The following CEP55 variants were observed in gnomAD, a reference collection of about 807,000 sequenced individuals.
The protein encoded by CEP55 is centrosomal protein of 55 kDa.
Under a neutral mutation model 63.2 loss-of-function variants are expected in CEP55, and 57 were observed. The ratio of observed to expected loss-of-function variants is 0.90; its 90% CI spans 0.73 to 1.13. CEP55 has a LOEUF of 1.13. Ranked by LOEUF, CEP55 falls within the 50% of genes most tolerant of loss-of-function variation. The pLI is 0.00. For missense variants in CEP55, 456 were observed against 518.9 expected, an observed-to-expected ratio of 0.88 and a Z score of 1.18; for synonymous variants, 178 against 191.6, an observed-to-expected ratio of 0.93 and a Z score of 0.59.
At chr10:93,518,839 T>C (rs2280604) in intron 6 of CEP55, 38 bp from the exon 7 acceptor site, 48,329 of 1,470,896 alleles carry the variant, frequency 0.033, 1,243 homozygotes, top group East Asian at 0.15. Context: ...CCGGAAAAGG[T>C]TGGATGTGAC....
At chr10:93,503,506 T>C (rs1479618576) in intron 3 of CEP55, 118 bp downstream of exon 3, 1 of 985,450 alleles carries the variant, frequency 1.0e-6, no homozygotes, top group Non-Finnish European at 1.5e-6. Flanking sequence ...ATGATTAGTA[T>C]AGTATACTAT....
Position 93,528,169 on chromosome 10 carries a change from T to C in CEP55, c.*16T>C, listed in dbSNP as rs2057944328. ...TTCAAAGTAGCAAAATAAGTATTTGTTTTGATATTAAAAGATTCAATACTG... is the reference window on the plus strand; with the variant it reads ...TTCAAAGTAGCAAAATAAGTATTTGCTTTGATATTAAAAGATTCAATACTG... On this transcript the variant is annotated 3_prime_UTR_variant, in exon 9 of 9. Transcript: ENST00000371485. 2 of 1,600,160 alleles carry C rather than the reference T, an allele frequency of 1.2e-6. No homozygotes were observed. The highest frequency in any genetic ancestry group is 4.5e-5 in the East Asian group (2 of 44,806).
Position 93,500,055 on chromosome 10 carries a change from T to G in CEP55, c.4T>G (p.Ser2Ala), listed in dbSNP as rs749637981. 6 of 1,598,316 alleles carry G rather than the reference T, an allele frequency of 3.8e-6. No homozygotes were observed. The South Asian group carries it at 5.6e-5, about 15-fold the overall frequency. Residue 2 changes from serine to alanine, a missense_variant, in exon 2 of 9, where the codon TCT becomes GCT. Coordinates refer to ENST00000371485, the MANE Select transcript of CEP55 (RefSeq NM_018131.5). ...ATTTTTACAGACCATTTCAGAGATG[T>G]CTTCCAGAAGTACCAAAGATTTAAT... The part of the protein sequence containing the change: M[S>A]SRSTKDLIKS...
chr10:93,515,600 T>C (rs2057796237), intron 5 of CEP55, 45 bp downstream of exon 5: 1 of 1,483,176 alleles, frequency 6.7e-7, no homozygotes, highest in African/African-American at 1.4e-5. Context: ...GGCCTGACAT[T>C]TTCCAAAAGG....
chr10:93,497,069 C>CT (rs71031516), intron 1 of CEP55, 146 bp downstream of exon 1: 78,706 of 151,974 alleles, frequency 0.52, 22,781 homozygotes, highest in Non-Finnish European at 0.65. Context: ...AAACTTGTGC[C>CT]TTTTTTTGCA....
chr10:93,516,521 G>A (rs2057805038), intron 5 of CEP55, among the ~76,000 whole-genome samples: 1 of 151,982 alleles, frequency 6.6e-6, no homozygotes, highest in African/African-American at 2.4e-5. Context: ...GCACTTGTTA[G>A]AATAATGTAA....
rs1245929284 is a variant in CEP55 at position 93,518,939 on chromosome 10, G to C, written c.1056G>C (p.Leu352Phe). ...QQEEQTRVAL[L>F]EQQMQACTLD... Reference sequence around the variant, plus strand: ...AAGAACAAACAAGGGTAGCTCTGTTGGAACAACAGGTACTCATTCGGGTTG... The same window carrying C: ...AAGAACAAACAAGGGTAGCTCTGTTCGAACAACAGGTACTCATTCGGGTTG... Residue 352 changes from leucine (L) to phenylalanine (F), a missense_variant, in exon 7 of 9, where the codon TTG (leucine) becomes TTC (phenylalanine). Coordinates refer to ENST00000371485, the MANE Select transcript of CEP55 (RefSeq NM_018131.5). The C allele has an allele frequency of 6.2e-7, 1 of 1,612,424 alleles. No individual in the cohort carries two copies. Among genetic ancestry groups the C allele is most frequent in the African/African-American group, 1.3e-5 (1 of 74,892 alleles).
At chr10:93,513,928 A>G (rs1168462768) in intron 4 of CEP55, among the ~76,000 whole-genome samples, 1 of 149,486 alleles carries the variant, frequency 6.7e-6, no homozygotes, top group Non-Finnish European at 1.5e-5. Context: ...AACTAATTGC[A>G]TCTGCAAAGC....
chr10:93,505,738 C>G (rs1173610563), intron 3 of CEP55, among the ~76,000 whole-genome samples: 1 of 152,144 alleles, frequency 6.6e-6, no homozygotes, highest in African/African-American at 2.4e-5. Context: ...GTTGGCCAGC[C>G]TGGCTACCTA....
chr10:93,497,545 C>T (rs1159957347), intron 1 of CEP55, among the ~76,000 whole-genome samples: 2 of 152,012 alleles, frequency 1.3e-5, no homozygotes, highest in Admixed American at 6.6e-5. Context: ...GGATTACAGG[C>T]GTGAGCCACC....
At chr10:93,500,370 G>GT in intron 2 of CEP55, 136 bp downstream of exon 2, 1 of 731,680 alleles carries the variant, frequency 1.4e-6, no homozygotes, top group Non-Finnish European at 2.2e-6. Context: ...CTGACATTGG[G>GT]TTTAGAATCT....
Position 93,517,043 on chromosome 10 carries a change from G to C in CEP55, c.788G>C (p.Ser263Thr), listed in dbSNP as rs573442982. ...ATAACTCAGCTGAGTTTTGAACTGA[G>C]TGAATTTCGAAGAAAATATGAAGAA... Reference protein sequence around the residue: ...QTITQLSFELSEFRRKYEETQ... With the variant: ...QTITQLSFELTEFRRKYEETQ... Residue 263 changes from serine (S) to threonine (T), a missense_variant, in exon 6 of 9, where the codon AGT becomes ACT. Coordinates refer to ENST00000371485, the MANE Select transcript of CEP55 (RefSeq NM_018131.5). 4 of 1,613,896 alleles carry C rather than the reference G, an allele frequency of 2.5e-6. No homozygotes were observed. In the East Asian group the frequency reaches 6.7e-5, roughly 27 times the overall value.
At chr10:93,497,037 CATCT>C in intron 1 of CEP55, 114 bp downstream of exon 1, 1 of 151,458 alleles carries the variant, frequency 6.6e-6, no homozygotes. Flanking sequence ...GTTCCTCAAA[CATCT>C]TTATTTTAGA....
Position 93,498,985 on chromosome 10 carries a change from C to A in CEP55, c.-12-1055C>A, listed in dbSNP as rs1288928005. Among the ~76,000 whole-genome samples, 4 of 150,646 alleles carry A rather than the reference C, an allele frequency of 2.7e-5. No individual in the cohort carries two copies. In the East Asian group the frequency reaches 5.8e-4, roughly 22 times the overall value. Reference sequence around the variant, plus strand: ...AAGTAGAAAAATGTTTTTTAACCTCCTTAATTAGAGTTACTTTTATATACT... The same window carrying A: ...AAGTAGAAAAATGTTTTTTAACCTCATTAATTAGAGTTACTTTTATATACT... On this transcript the variant is annotated intron_variant, in intron 1 of 8. Coordinates refer to ENST00000371485, the MANE Select transcript of CEP55 (RefSeq NM_018131.5).
chr10:93,514,292 G>A (rs745761697), intron 4 of CEP55, among the ~76,000 whole-genome samples: 10 of 152,144 alleles, frequency 6.6e-5, no homozygotes, highest in Non-Finnish European at 1.2e-4. Flanking sequence ...GAATTTTGGG[G>A]GACATTATTC....
At chr10:93,503,820 G>A (rs1051504576) in intron 3 of CEP55, among the ~76,000 whole-genome samples, 9 of 152,220 alleles carry the variant, frequency 5.9e-5, no homozygotes, top group Non-Finnish European at 1.0e-4. Flanking sequence ...AGGCACTAGC[G>A]TCATAGAAAG....
Position 93,507,177 on chromosome 10 carries a change from TA to T in CEP55, c.528+123del, listed in dbSNP as rs1435955444. The T allele has an allele frequency of 1.8e-5, 11 of 602,266 alleles. No homozygotes were observed. The South Asian group carries it at 2.0e-4, about 11-fold the overall frequency. The allele number at this position is 602,266 out of a possible 1,614,324, so 37.3% of individuals were successfully genotyped here. On this transcript the variant is annotated intron_variant, in intron 4 of 8. Transcript: ENST00000371485. ...AACTGAATGGTTTGAGAGCTTCATT[TA>T]AGTCTCTTTCTATACATTCGAGAAT...
Position 93,518,860 on chromosome 10 carries a change from C to T in CEP55, c.994-17C>T, listed in dbSNP as rs1211016658. 1 of 1,569,278 alleles carries T rather than the reference C, an allele frequency of 6.4e-7. No homozygotes were observed. Among genetic ancestry groups the T allele is most frequent in the Admixed American group, 1.8e-5 (1 of 56,708 alleles). ...AAGGTTGGATGTGACAGCATTGGTT[C>T]TCTTTATGTCCTACAGGTCCAGTTT... is the stretch of plus-strand genomic sequence containing the variant. On this transcript the variant is annotated splice_polypyrimidine_tract_variant and intron_variant, in intron 6 of 8. Transcript: ENST00000371485.
At chr10:93,497,852 T>G (rs915130112) in intron 1 of CEP55, among the ~76,000 whole-genome samples, 1 of 151,070 alleles carries the variant, frequency 6.6e-6, no homozygotes, top group South Asian at 2.1e-4. Context: ...GGCGCGGTGG[T>G]TCACGCCTGT....
Sources: gnomAD v4.1 joint callset for allele counts (sites outside exome capture counted in the v4.1 genomes callset) on GRCh38, gnomAD v4.1.1 for gene constraint, MANE v1.5 for transcripts, NCBI Gene and HGNC (gene_info 2026-07-23, HGNC 2026-07-21) for gene names.